ANLN: variants seen among roughly 807,000 people sequenced by gnomAD.
The protein encoded by ANLN is anillin.
A neutral mutation model predicts 135.1 loss-of-function variants in ANLN; 59 were observed. The observed-to-expected ratio is 0.44, with a 90% CI of 0.35 to 0.54. ANLN has a LOEUF of 0.54. ANLN is among the 20% of genes least tolerant of loss of function. The pLI is 0.00. For missense variants in ANLN, 1,182 were observed against 1,340.0 expected (o/e 0.88, Z 1.84); for synonymous variants, 406 against 456.4 (o/e 0.89, Z 1.41).
intron 23 of ANLN, among the ~76,000 whole-genome samples, chr7:36,450,111 G>A (rs1789184529): frequency 1.3e-5 from 2 of 152,108 alleles, no homozygotes; most frequent in Admixed American, 1.3e-4. Context: ...AATAATCTTT[G>A]GGTTAAGTTT....
intron 3 of ANLN, among the ~76,000 whole-genome samples, chr7:36,405,685 C>T (rs957172556): frequency 6.6e-6 from 1 of 152,148 alleles, no homozygotes; most frequent in Non-Finnish European, 1.5e-5. Flanking sequence ...AGACACTAGC[C>T]ATATGTGGAT....
chr7:36,443,389 A>T (rs1430999859), intron 21 of ANLN, among the ~76,000 whole-genome samples: 1 of 152,190 alleles, frequency 6.6e-6, no homozygotes, highest in Non-Finnish European at 1.5e-5. Flanking sequence ...TTAATTTTTT[A>T]AAATATATAA....
At chr7:36,420,773 G>GGGCTTTCCACA in intron 12 of ANLN, 29 bp downstream of exon 12, 1 of 1,611,686 alleles carries the variant, frequency 6.2e-7, no homozygotes, top group East Asian at 2.2e-5. Flanking sequence ...AGGGGCTTTG[G>GGGCTTTCCACA]AATGTTTCTT....
intron 17 of ANLN, 108 bp downstream of exon 17, chr7:36,424,850 C>G: frequency 1.8e-6 from 2 of 1,119,834 alleles, no homozygotes; most frequent in South Asian, 3.2e-5. Flanking sequence ...GTTTTTGGAT[C>G]AGTTTCATGT....
At chr7:36,392,388 T>C (rs957268251) in intron 1 of ANLN, among the ~76,000 whole-genome samples, 1 of 151,690 alleles carries the variant, frequency 6.6e-6, no homozygotes, top group African/African-American at 2.4e-5. Flanking sequence ...TAAAATCTCC[T>C]AGAAAAATTT....
At chr7:36,427,188 TG>T (rs1369498290) in intron 20 of ANLN, among the ~76,000 whole-genome samples, 160 bp downstream of exon 20, 17 of 146,494 alleles carry the variant, frequency 1.2e-4, no homozygotes, top group African/African-American at 2.8e-4. Context: ...TGTACCTAAA[TG>T]TTTTTTTTTT....
chr7:36,404,561 A>T (rs1583601582), intron 3 of ANLN, among the ~76,000 whole-genome samples: 1 of 152,162 alleles, frequency 6.6e-6, no homozygotes, highest in Non-Finnish European at 1.5e-5. Flanking sequence ...ATGGAAGAAG[A>T]TTCATTTTTA....
intron 22 of ANLN, among the ~76,000 whole-genome samples, chr7:36,447,441 C>G (rs919588127): frequency 8.3e-5 from 2 of 24,074 alleles, no homozygotes; most frequent in Admixed American, 4.4e-4. Context: ...TTTTTTTTTT[C>G]TGAGACGGAG....
At chr7:36,428,270 G>A in intron 20 of ANLN, 1 of 1,121,078 alleles carries the variant, frequency 8.9e-7, no homozygotes, top group Non-Finnish European at 1.2e-6. Flanking sequence ...GTGATCCTGG[G>A]TCTTTTTTTC....
At chr7:36,405,095 A>G (rs1237282180) in intron 3 of ANLN, among the ~76,000 whole-genome samples, 1 of 152,152 alleles carries the variant, frequency 6.6e-6, no homozygotes, top group African/African-American at 2.4e-5. Context: ...GTCTCATTAT[A>G]ATGTATTTTT....
At chr7:36,450,357 A>G (rs1202214921) in intron 23 of ANLN, among the ~76,000 whole-genome samples, 1 of 152,212 alleles carries the variant, frequency 6.6e-6, no homozygotes, top group Non-Finnish European at 1.5e-5. Context: ...ATTCTAAGAT[A>G]GGTTTCTTTG....
At position 36,453,091 on chromosome 7, in the gene ANLN, AATGAG is replaced by A. The variant is rs1371773911; in HGVS notation, c.*492_*496del. The A allele has an allele frequency of 6.6e-6, 1 of 152,590 alleles. No homozygotes were observed. The highest frequency in any genetic ancestry group is 2.4e-5 in the African/African-American group (1 of 41,442). The allele number at this position is 152,590 out of a possible 1,614,324, so 9.5% of individuals were successfully genotyped here. A position where few individuals can be genotyped will look rare whatever the true frequency, so the allele number is the denominator to read the frequency against. Reference sequence around the variant, plus strand: ...AGGCCTTTACAGAAACATTTTTAGTAATGAGGATGAGAACTTTTTCAAATAGCAAA... The same window carrying A: ...AGGCCTTTACAGAAACATTTTTAGTAGATGAGAACTTTTTCAAATAGCAAA... On this transcript the variant is annotated 3_prime_UTR_variant, in exon 24 of 24. Transcript: ENST00000265748.
At chr7:36,440,969 G>A (rs549603376) in intron 21 of ANLN, among the ~76,000 whole-genome samples, 5 of 152,216 alleles carry the variant, frequency 3.3e-5, no homozygotes, top group African/African-American at 9.6e-5. Flanking sequence ...AGGAAAGCCC[G>A]GTGGTCTAAG....
intron 7 of ANLN, among the ~76,000 whole-genome samples, chr7:36,414,558 CAG>C (rs1235315938): frequency 5.3e-5 from 8 of 151,938 alleles, no homozygotes; most frequent in Non-Finnish European, 5.9e-5. Context: ...GGGAAGGTGA[CAG>C]GGGAAATACT....
In ANLN at chr7:36,422,256, C is replaced by T. The variant is rs116105578; in HGVS notation, c.2299+264C>T. 5.0e-3 allele frequency among the ~76,000 whole-genome samples: 760 copies of T among 151,102 alleles called. 6 individuals carry two copies. Among genetic ancestry groups the T allele is most frequent in the African/African-American group, 0.018 (737 of 41,038 alleles). ...TGAATGAATGGATGAATGAATGAAT[C>T]TCTATATATACACATGTACACATAC... is the stretch of plus-strand genomic sequence containing the variant. On this transcript the variant is annotated intron_variant, in intron 13 of 23. Coordinates refer to ENST00000265748, the MANE Select transcript of ANLN (RefSeq NM_018685.5).
At chr7:36,434,571 T>C (rs577942066) in intron 20 of ANLN, among the ~76,000 whole-genome samples, 2 of 152,310 alleles carry the variant, frequency 1.3e-5, no homozygotes, top group African/African-American at 4.8e-5. Context: ...TCTTTAAAAA[T>C]ACTTCTTTTT....
chr7:36,413,714 G>A (rs994443880), intron 7 of ANLN, among the ~76,000 whole-genome samples: 4 of 152,178 alleles, frequency 2.6e-5, no homozygotes, highest in African/African-American at 4.8e-5. Flanking sequence ...CAAGGGGCTC[G>A]GCGTGGTGGC....
intron 8 of ANLN, 126 bp downstream of exon 8, chr7:36,416,010 G>GTTTTCTTTCTTTTTTCAC (rs946370720): frequency 1.6e-5 from 13 of 834,116 alleles, no homozygotes; most frequent in Non-Finnish European, 2.1e-5. Context: ...AATCTTTAGG[G>GTTTTCTTTCTTTTTTCAC]TTTTCTTTCT....
Position 36,419,323 on chromosome 7 carries a change from T to G in ANLN, c.1713T>G (p.Asp571Glu), listed in dbSNP as rs1293132826. Residue 571 changes from aspartate (D) to glutamate (E), a missense_variant, in exon 10 of 24, where the codon GAT (aspartate) becomes GAG (glutamate). Transcript: ENST00000265748. ...AAGTAATTAATGACCTCTTCAGTGA[T>G]GTCCTAGAGGAAGGTGAACTAGATA... ...SSKVINDLFS[D>E]VLEEGELDME... 3.1e-6 allele frequency: 5 copies of G among 1,614,008 alleles called. No individual in the cohort carries two copies. The highest frequency in any genetic ancestry group is 4.2e-6 in the Non-Finnish European group (5 of 1,179,990).
Sources: gnomAD v4.1 joint callset for allele counts (sites outside exome capture counted in the v4.1 genomes callset) on GRCh38, gnomAD v4.1.1 for gene constraint, MANE v1.5 for transcripts, NCBI Gene and HGNC (gene_info 2026-07-23, HGNC 2026-07-21) for gene names.